Variants in FGD3 observed in about 807,000 individuals in gnomAD.
FGD3 encodes the protein FYVE, RhoGEF and PH domain containing 3.
Under a neutral mutation model 71.8 loss-of-function variants are expected in FGD3, and 45 were observed. The observed-to-expected ratio is 0.63, with a 90% CI of 0.49 to 0.80. FGD3 has a LOEUF of 0.80. Among genes scored for constraint, FGD3 ranks in the 30% least tolerant of loss-of-function variants. The pLI is 0.00. For synonymous variants in FGD3, 378 were observed against 392.8 expected (o/e 0.96, Z 0.44); for missense variants, 844 against 951.5 (o/e 0.89, Z 1.49).
chr9:93,013,323 C>T (rs1039585849), intron 8 of FGD3, among the ~76,000 whole-genome samples: 3 of 152,184 alleles, frequency 2.0e-5, no homozygotes, highest in Admixed American at 6.5e-5. Context: ...TGGCTGTTGT[C>T]GAGGTTGCCG....
intron 3 of FGD3, among the ~76,000 whole-genome samples, chr9:93,001,025 A>G (rs1458925648): frequency 6.6e-6 from 1 of 151,566 alleles, no homozygotes; most frequent in Non-Finnish European, 1.5e-5. Flanking sequence ...ACCTCTCTTC[A>G]GGTTTGCCCA....
At chr9:93,027,885 A>C (rs1862179162) in intron 14 of FGD3, among the ~76,000 whole-genome samples, 1 of 151,032 alleles carries the variant, frequency 6.6e-6, no homozygotes, top group South Asian at 2.1e-4. Context: ...ACATCAGCTA[A>C]TTTTTTGGAT....
rs545284416 is a variant in FGD3, at chr9:92,953,368, G to A, written c.-218+5639G>A. 1.3e-4 allele frequency among the ~76,000 whole-genome samples: 20 copies of A among 152,258 alleles called. No individual in the cohort carries two copies. In the South Asian group the frequency reaches 2.9e-3, roughly 22 times the overall value. On this transcript the variant is annotated intron_variant, in intron 1 of 17. Coordinates refer to ENST00000375482, the MANE Select transcript of FGD3 (RefSeq NM_001083536.2). ...ACTGCCAGAGCCGCTCTGTAATTAC[G>A]TCTCCTGAGTGGAAAGCTCTCAAAA... is the stretch of plus-strand genomic sequence containing the variant.
At chr9:93,007,120 T>G (rs758360542) in intron 6 of FGD3, among the ~76,000 whole-genome samples, 25 of 152,056 alleles carry the variant, frequency 1.6e-4, no homozygotes, top group Middle Eastern at 6.8e-3. Flanking sequence ...AAACAGAGTC[T>G]CACTCTGTAG....
chr9:93,024,607 A>G (rs990782348), intron 14 of FGD3, among the ~76,000 whole-genome samples: 1 of 152,220 alleles, frequency 6.6e-6, no homozygotes, highest in Non-Finnish European at 1.5e-5. Flanking sequence ...GTGTGAGCCC[A>G]TACGACATGG....
rs368992949 is a variant in FGD3 at position 93,011,623 on chromosome 9, C to T, written c.1035+351C>T. The stretch of plus-strand genomic sequence containing the variant: ...CTATAATCCCAGCACTTTGGGAGGC[C>T]GAGGCGGGCGGATCATGAGGTCAGG... On this transcript the variant is annotated intron_variant, in intron 8 of 17. Transcript: ENST00000375482. 1.3e-4 allele frequency among the ~76,000 whole-genome samples: 20 copies of T among 152,220 alleles called. No homozygotes were observed. The East Asian group carries it at 3.3e-3, about 25-fold the overall frequency.
At chr9:93,007,576 C>T (rs1017989968) in intron 6 of FGD3, among the ~76,000 whole-genome samples, 3 of 152,140 alleles carry the variant, frequency 2.0e-5, no homozygotes, top group Non-Finnish European at 4.4e-5. Context: ...TTGCTTGAAC[C>T]GAGAGGCAGA....
At chr9:93,027,711 CTTTCTTTTTT>C (rs1330317757) in intron 14 of FGD3, among the ~76,000 whole-genome samples, 1 of 115,872 alleles carries the variant, frequency 8.6e-6, no homozygotes, top group African/African-American at 3.5e-5. Context: ...CTTTTTCTTT[CTTTCTTTTTT>C]TTTTTTTTTT....
At chr9:93,033,472 T>G (rs1862454745) in intron 16 of FGD3, 1 of 152,604 alleles carries the variant, frequency 6.6e-6, no homozygotes, top group South Asian at 1.8e-4. Context: ...CTCCTTCTCC[T>G]CCTCCTTTCT....
intron 14 of FGD3, 29 bp from the exon 15 acceptor site, chr9:93,029,845 G>C (rs1325636880): frequency 6.2e-7 from 1 of 1,605,828 alleles, no homozygotes; most frequent in Non-Finnish European, 8.5e-7. Context: ...TGATTCAGAA[G>C]CTGATGGCAT....
chr9:92,998,510 G>A (rs1037278098), intron 3 of FGD3, among the ~76,000 whole-genome samples: 31 of 152,216 alleles, frequency 2.0e-4, no homozygotes, highest in Admixed American at 9.2e-4. Flanking sequence ...GCTTTGTTCC[G>A]TTGCTGGCAA....
chr9:92,963,413 C>T (rs1859210810), intron 1 of FGD3, among the ~76,000 whole-genome samples: 1 of 152,210 alleles, frequency 6.6e-6, no homozygotes. Flanking sequence ...GGTCCTCCCA[C>T]CTCAGCCTCC....
Position 92,975,235 on chromosome 9 carries a change from C to T in FGD3, c.-217-3C>T, listed in dbSNP as rs1337111075. 1 of 152,250 alleles carries T rather than the reference C, an allele frequency of 6.6e-6. No individual in the cohort carries two copies. Among genetic ancestry groups the T allele is most frequent in the Non-Finnish European group, 1.5e-5 (1 of 68,072 alleles). The allele number at this position is 152,250 out of a possible 1,614,324, so 9.4% of individuals were successfully genotyped here. On this transcript the variant is annotated splice_region_variant and splice_polypyrimidine_tract_variant and intron_variant, in intron 1 of 17. Transcript: ENST00000375482. ...TTTTCTTTCTCTACTAATGTCTTTT[C>T]AGTACCTCCTAAATGGCTCTACTTT...
chr9:92,950,241 AC>A (rs1190862254), intron 1 of FGD3, among the ~76,000 whole-genome samples: 4 of 148,848 alleles, frequency 2.7e-5, no homozygotes, highest in Non-Finnish European at 6.0e-5. Flanking sequence ...GACGGTGAAA[AC>A]CCGCCTCTAC....
At chr9:92,970,345 G>A (rs1379129613) in intron 1 of FGD3, among the ~76,000 whole-genome samples, 1 of 152,212 alleles carries the variant, frequency 6.6e-6, no homozygotes, top group Admixed American at 6.5e-5. Flanking sequence ...TCAGAATATA[G>A]TCTAAAGAGA....
chr9:92,977,413 A>C (rs934000025), intron 3 of FGD3, among the ~76,000 whole-genome samples: 1 of 152,044 alleles, frequency 6.6e-6, no homozygotes, highest in Admixed American at 6.6e-5. Context: ...AGCTTGGGTA[A>C]GTTGCCAAGT....
At chr9:93,018,342 C>G in intron 11 of FGD3, 127 bp downstream of exon 11, 1 of 838,532 alleles carries the variant, frequency 1.2e-6, no homozygotes, top group Non-Finnish European at 1.9e-6. Flanking sequence ...ACTGAAGCAC[C>G]AGGGTTCCGT....
chr9:92,965,165 A>C (rs1328110088), intron 1 of FGD3, among the ~76,000 whole-genome samples: 1 of 152,190 alleles, frequency 6.6e-6, no homozygotes, highest in African/African-American at 2.4e-5. Context: ...CCCGAGGGGC[A>C]GAGGCATGTT....
intron 1 of FGD3, among the ~76,000 whole-genome samples, chr9:92,973,335 G>A (rs7034947): frequency 2.6e-4 from 39 of 152,060 alleles, no homozygotes; most frequent in African/African-American, 8.7e-4. Context: ...GGCTGGTCTC[G>A]AACTCCTGCC....
Sources: allele counts gnomAD v4.1 joint callset (sites outside exome capture counted in the v4.1 genomes callset), GRCh38; gene constraint gnomAD v4.1.1; transcripts MANE v1.5; gene names NCBI Gene and HGNC (gene_info 2026-07-23, HGNC 2026-07-21).